GRID2: variants seen among roughly 807,000 people sequenced by gnomAD.
GRID2 encodes the protein glutamate receptor ionotropic, delta-2.
In GRID2, 33 loss-of-function variants were observed where a neutral mutation model predicts 114.8. The ratio of observed to expected loss-of-function variants is 0.29; its 90% CI spans 0.22 to 0.38. The LOEUF (loss-of-function observed/expected upper bound fraction) is 0.38. Among genes scored for constraint, GRID2 ranks in the 10% least tolerant of loss-of-function variants. The probability of loss-of-function intolerance (pLI) is 1.00; values close to 1 mark genes in which losing one functional copy is unlikely to be tolerated. For missense variants in GRID2, 1,184 were observed against 1,257.7 expected (o/e 0.94, Z 0.89); for synonymous variants, 505 against 449.9 (o/e 1.12, Z -1.55).
At chr4:93,237,612 G>T (rs1746950629) in intron 7 of GRID2, among the ~76,000 whole-genome samples, 1 of 151,792 alleles carries the variant, frequency 6.6e-6, no homozygotes, top group African/African-American at 2.4e-5. Flanking sequence ...CTCAGAGTGC[G>T]ATTTTCATTT....
At chr4:92,576,833 G>A (rs1265979364) in intron 1 of GRID2, among the ~76,000 whole-genome samples, 2 of 152,228 alleles carry the variant, frequency 1.3e-5, no homozygotes, top group East Asian at 1.9e-4. Flanking sequence ...GCTCCTGGGT[G>A]TGCCGTTGCC....
intron 2 of GRID2, among the ~76,000 whole-genome samples, chr4:92,601,282 G>A (rs936027960): frequency 6.6e-6 from 1 of 152,134 alleles, no homozygotes; most frequent in African/African-American, 2.4e-5. Context: ...ATAATTAGAA[G>A]TAACACACTC....
intron 8 of GRID2, among the ~76,000 whole-genome samples, chr4:93,322,829 C>A (rs1757383683): frequency 6.6e-6 from 1 of 152,100 alleles, no homozygotes; most frequent in South Asian, 2.1e-4. Flanking sequence ...TGTTTTTTGG[C>A]TGCATAAATG....
intron 11 of GRID2, among the ~76,000 whole-genome samples, chr4:93,483,785 AT>A (rs1560668027): frequency 6.6e-6 from 1 of 151,858 alleles, no homozygotes. Context: ...GAAAATAAAA[AT>A]TTTTCATGCT....
intron 14 of GRID2, among the ~76,000 whole-genome samples, chr4:93,700,426 T>C (rs1249304915): frequency 6.6e-6 from 1 of 152,190 alleles, no homozygotes. Context: ...TTGTCAATCT[T>C]ATTTAGAAGT....
At chr4:92,455,287 G>A (rs1288992463) in intron 1 of GRID2, among the ~76,000 whole-genome samples, 1 of 152,016 alleles carries the variant, frequency 6.6e-6, no homozygotes, top group Non-Finnish European at 1.5e-5. Flanking sequence ...CTAAGTGCCG[G>A]GTGGACAACA....
At chr4:93,401,060 T>C (rs1009403388) in intron 9 of GRID2, among the ~76,000 whole-genome samples, 1 of 152,030 alleles carries the variant, frequency 6.6e-6, no homozygotes, top group African/African-American at 2.4e-5. Context: ...CTTGAACTCC[T>C]GGCCTCAAGT....
In GRID2 at chr4:92,977,357, A is replaced by G. The variant is rs149402023; in HGVS notation, c.245-107638A>G. Among the ~76,000 whole-genome samples, 101 of 152,274 alleles carry G rather than the reference A, an allele frequency of 6.6e-4. No homozygotes were observed. The East Asian group carries it at 0.017, about 26-fold the overall frequency. On this transcript the variant is annotated intron_variant, in intron 2 of 15. Coordinates refer to ENST00000282020, the MANE Select transcript of GRID2 (RefSeq NM_001510.4). The stretch of plus-strand genomic sequence containing the variant: ...GGAGAGGTACATTCTACATCAAAGG[A>G]ACAGGAAATACAAGGGTTCAAGGTT...
At chr4:93,220,105 C>T (rs573931889) in intron 6 of GRID2, among the ~76,000 whole-genome samples, 3 of 152,042 alleles carry the variant, frequency 2.0e-5, no homozygotes, top group Admixed American at 1.3e-4. Context: ...AAAAGATTCT[C>T]ATGGAGTTTA....
At chr4:92,646,705 T>C (rs1731648593) in intron 2 of GRID2, among the ~76,000 whole-genome samples, 1 of 152,232 alleles carries the variant, frequency 6.6e-6, no homozygotes, top group Non-Finnish European at 1.5e-5. Flanking sequence ...GCAAAAACTA[T>C]TTTCATGGTG....
chr4:93,702,890 G>A (rs1467643107), intron 14 of GRID2, among the ~76,000 whole-genome samples: 1 of 152,052 alleles, frequency 6.6e-6, no homozygotes. Flanking sequence ...ATTGGGAGAA[G>A]TACTATGGAT....
chr4:93,252,329 A>ATTTTTTTTTTTTTTTTTT (rs56056248), intron 8 of GRID2, among the ~76,000 whole-genome samples: 1 of 119,760 alleles, frequency 8.4e-6, no homozygotes, highest in Non-Finnish European at 1.7e-5. Flanking sequence ...GGAATCCTTC[A>ATTTTTTTTTTTTTTTTTT]TTTTTTTTTT....
intron 8 of GRID2, among the ~76,000 whole-genome samples, chr4:93,291,897 CAT>C (rs145442971): frequency 0.05 from 7,609 of 152,190 alleles, 625 homozygotes; most frequent in African/African-American, 0.17. Flanking sequence ...CATTACCACA[CAT>C]AGTTGTCATT....
At chr4:93,184,467 G>A (rs1740199172) in intron 4 of GRID2, among the ~76,000 whole-genome samples, 1 of 132,786 alleles carries the variant, frequency 7.5e-6, no homozygotes, top group African/African-American at 2.9e-5. Flanking sequence ...CCTCTCCTCT[G>A]CAACCAACAG....
chr4:92,642,015 C>T (rs915445522), intron 2 of GRID2, among the ~76,000 whole-genome samples: 24 of 151,184 alleles, frequency 1.6e-4, no homozygotes, highest in African/African-American at 5.1e-4. Context: ...ACCACATTTT[C>T]TTTATCCAAT....
rs1227414597 is a variant in GRID2, at chr4:92,791,673, T to C, written c.244+201387T>C. ...AAACTAGTGCTATGGTGTCTGTTGT[T>C]TCATGATTATAATGAAATTGCTAAA... On this transcript the variant is annotated intron_variant, in intron 2 of 15. Coordinates refer to ENST00000282020, the MANE Select transcript of GRID2 (RefSeq NM_001510.4). Among the ~76,000 whole-genome samples, 3 of 151,864 alleles carry C rather than the reference T, an allele frequency of 2.0e-5. No homozygotes were observed. In the East Asian group the frequency reaches 5.8e-4, roughly 30 times the overall value.
chr4:92,994,698 G>A (rs1755096229), intron 2 of GRID2, among the ~76,000 whole-genome samples: 1 of 152,126 alleles, frequency 6.6e-6, no homozygotes, highest in South Asian at 2.1e-4. Flanking sequence ...GCAACATATA[G>A]AACTGGGACC....
At chr4:93,164,636 G>C (rs1004940971) in intron 4 of GRID2, 2 of 319,162 alleles carry the variant, frequency 6.3e-6, no homozygotes, top group African/African-American at 4.2e-5. Context: ...CGAATGGTAG[G>C]GGAAAAAAAT....
At chr4:93,566,801 C>T (rs1735467801) in intron 13 of GRID2, among the ~76,000 whole-genome samples, 1 of 151,918 alleles carries the variant, frequency 6.6e-6, no homozygotes, top group Non-Finnish European at 1.5e-5. Flanking sequence ...AAAAAAAACT[C>T]ATCAAGTTGT....
Sources: gnomAD v4.1 joint callset for allele counts (sites outside exome capture counted in the v4.1 genomes callset) on GRCh38, gnomAD v4.1.1 for gene constraint, MANE v1.5 for transcripts, NCBI Gene and HGNC (gene_info 2026-07-23, HGNC 2026-07-21) for gene names.